FAM184A: variants seen among roughly 807,000 people sequenced by gnomAD.
FAM184A encodes the protein protein FAM184A.
In FAM184A, 99 loss-of-function variants were observed where a neutral mutation model predicts 143.8. The observed-to-expected ratio is 0.69, with a 90% CI of 0.58 to 0.81. FAM184A has a LOEUF of 0.81. Among genes scored for constraint, FAM184A ranks in the 40% least tolerant of loss-of-function variants. The pLI is 0.00. For missense variants in FAM184A, 1,217 were observed against 1,310.5 expected (o/e 0.93, Z 1.10); for synonymous variants, 427 against 446.4 (o/e 0.96, Z 0.55).
At chr6:119,011,093 C>G in intron 6 of FAM184A, 2 of 432,698 alleles carry the variant, frequency 4.6e-6, no homozygotes, top group Non-Finnish European at 8.1e-6. Flanking sequence ...CTTCTCCCCA[C>G]AACAGCACCT....
chr6:119,008,925 CCTG>C (rs1357906279), intron 6 of FAM184A, among the ~76,000 whole-genome samples: 5 of 152,198 alleles, frequency 3.3e-5, no homozygotes, highest in African/African-American at 1.2e-4. Context: ...CAACATAGCC[CCTG>C]CTGAAATCTC....
At chr6:119,081,759 G>A (rs1192655566), upstream of FAM184A, among the ~76,000 whole-genome samples, 1 of 152,224 alleles carries the variant, frequency 6.6e-6, no homozygotes, top group Non-Finnish European at 1.5e-5. Context: ...AACTGCCCCA[G>A]TCAAACTCCT....
At chr6:119,129,767 A>C (rs946849141) in intron 1 of FAM184A, among the ~76,000 whole-genome samples, 1 of 151,964 alleles carries the variant, frequency 6.6e-6, no homozygotes, top group Non-Finnish European at 1.5e-5. Flanking sequence ...ATTTGCATAA[A>C]AGACTATTTT....
At chr6:118,988,541 G>A (rs1562462647) in intron 9 of FAM184A, among the ~76,000 whole-genome samples, 1 of 152,224 alleles carries the variant, frequency 6.6e-6, no homozygotes, top group Non-Finnish European at 1.5e-5. Context: ...TAAGAGAAAT[G>A]AGTTGCGGTG....
intron 4 of FAM184A, 88 bp from the exon 5 acceptor site, chr6:119,017,032 CT>C (rs1785281309): frequency 1.2e-6 from 1 of 802,090 alleles, no homozygotes; most frequent in South Asian, 1.8e-5. Context: ...AATATGGAAG[CT>C]TGAATAAACT....
At chr6:118,962,110 T>G (rs1225130708) in intron 16 of FAM184A, 147 bp from the exon 17 acceptor site, 5 of 704,732 alleles carry the variant, frequency 7.1e-6, no homozygotes, top group Non-Finnish European at 1.2e-5. Flanking sequence ...TTACCCAAAC[T>G]GTGGTCTGGG....
chr6:119,147,239 T>A (rs900326737), intron 1 of FAM184A, among the ~76,000 whole-genome samples: 1 of 152,040 alleles, frequency 6.6e-6, no homozygotes, highest in African/African-American at 2.4e-5. Flanking sequence ...TTCAGCTACA[T>A]AGTAGTGGCT....
intron 9 of FAM184A, among the ~76,000 whole-genome samples, chr6:118,981,400 A>G (rs1784017321): frequency 6.6e-6 from 1 of 152,212 alleles, no homozygotes; most frequent in Non-Finnish European, 1.5e-5. Flanking sequence ...AAAACACTCT[A>G]TGCTTTTATA....
intron 4 of FAM184A, among the ~76,000 whole-genome samples, chr6:119,019,361 T>C (rs1785368589): frequency 6.6e-6 from 1 of 152,130 alleles, no homozygotes; most frequent in South Asian, 2.1e-4. Context: ...GGACTGATGG[T>C]CAGAGAGGAC....
intron 4 of FAM184A, among the ~76,000 whole-genome samples, chr6:119,017,610 A>G (rs1323139046): frequency 2.0e-5 from 3 of 152,232 alleles, no homozygotes; most frequent in African/African-American, 7.2e-5. Context: ...AATGCCAATT[A>G]CGTACCTTTT....
At chr6:119,120,658 C>T (rs1789186341) in intron 1 of FAM184A, among the ~76,000 whole-genome samples, 1 of 152,162 alleles carries the variant, frequency 6.6e-6, no homozygotes, top group Admixed American at 6.5e-5. Flanking sequence ...TCCTCATCAA[C>T]ACTTACTATG....
intron 1 of FAM184A, among the ~76,000 whole-genome samples, chr6:119,130,542 G>A (rs115420475): frequency 0.016 from 2,451 of 152,256 alleles, 64 homozygotes; most frequent in African/African-American, 0.053. Flanking sequence ...AGTATAAAAT[G>A]AAGATACTCA....
chr6:119,129,368 G>GC (rs1347771954), intron 1 of FAM184A, among the ~76,000 whole-genome samples: 4 of 152,252 alleles, frequency 2.6e-5, no homozygotes, highest in African/African-American at 4.8e-5. Flanking sequence ...TAACCTGGGC[G>GC]CCTTACAGCA....
chr6:118,965,847 C>T (rs955972683), intron 15 of FAM184A, among the ~76,000 whole-genome samples: 11 of 152,176 alleles, frequency 7.2e-5, no homozygotes, highest in African/African-American at 2.7e-4. Context: ...TTATATGGAA[C>T]AGAGTTTCAA....
At chr6:119,130,722 C>T (rs1789512681) in intron 1 of FAM184A, among the ~76,000 whole-genome samples, 1 of 152,116 alleles carries the variant, frequency 6.6e-6, no homozygotes, top group Non-Finnish European at 1.5e-5. Context: ...TGATAAGACC[C>T]GGTCTTCGTA....
chr6:119,056,711 A>C (rs954386068), intron 1 of FAM184A, among the ~76,000 whole-genome samples: 3 of 152,188 alleles, frequency 2.0e-5, no homozygotes, highest in Admixed American at 2.0e-4. Flanking sequence ...TGAAGCCAAG[A>C]GACAAGAGAA....
Position 119,024,819 on chromosome 6 carries a change from T to A in FAM184A, c.160-6A>T, listed in dbSNP as rs781687662. On this transcript the variant is annotated splice_region_variant and splice_polypyrimidine_tract_variant and intron_variant, in intron 1 of 17. Transcript: ENST00000338891. ...GTGTTTAAAGCATATATTACCTGCATGGTTTTGAATAAGAAGGGAGAAGGA... is the reference window on the plus strand; with the variant it reads ...GTGTTTAAAGCATATATTACCTGCAAGGTTTTGAATAAGAAGGGAGAAGGA... 1.3e-6 allele frequency: 2 copies of A among 1,571,852 alleles called. No homozygotes were observed. Among genetic ancestry groups the A allele is most frequent in the Non-Finnish European group, 1.7e-6 (2 of 1,163,800 alleles).
chr6:119,122,429 C>T (rs988651456), intron 1 of FAM184A, among the ~76,000 whole-genome samples: 3 of 152,138 alleles, frequency 2.0e-5, no homozygotes, highest in Admixed American at 6.6e-5. Context: ...GGTGGCCTTT[C>T]TGACAGTCTG....
intron 1 of FAM184A, among the ~76,000 whole-genome samples, chr6:119,093,241 C>A (rs920058599): frequency 5.3e-5 from 8 of 152,138 alleles, no homozygotes; most frequent in Non-Finnish European, 8.8e-5. Flanking sequence ...ATAAAAATCT[C>A]ATTCTCTTAT....
Sources: gnomAD v4.1 joint callset for allele counts (sites outside exome capture counted in the v4.1 genomes callset) on GRCh38, gnomAD v4.1.1 for gene constraint, MANE v1.5 for transcripts, NCBI Gene and HGNC (gene_info 2026-07-23, HGNC 2026-07-21) for gene names.